The following DMXL2 variants were observed in gnomAD, a reference collection of about 807,000 sequenced individuals.
DMXL2 encodes dmX-like protein 2.
Under a neutral mutation model 331.1 loss-of-function variants are expected in DMXL2, and 103 were observed. The ratio of observed to expected loss-of-function variants is 0.31; its 90% confidence interval spans 0.27 to 0.37. The LOEUF is 0.37. Ranked by LOEUF, DMXL2 falls within the 10% of genes least tolerant of loss-of-function variation. The probability of loss-of-function intolerance (pLI) is 1.00; values close to 1 mark genes in which losing one functional copy is unlikely to be tolerated. For missense variants in DMXL2, 3,171 were observed against 3,642.9 expected, an observed-to-expected ratio of 0.87 and a Z score of 3.33; for synonymous variants, 1,281 against 1,252.1, an observed-to-expected ratio of 1.02 and a Z score of -0.49.
At chr15:51,562,560 G>A (rs1296898762) in intron 6 of DMXL2, among the ~76,000 whole-genome samples, 1 of 152,056 alleles carries the variant, frequency 6.6e-6, no homozygotes, top group African/African-American at 2.4e-5. Flanking sequence ...CTGAATGAGA[G>A]CAAAGAGAAC....
At chr15:51,522,393 C>A (rs2047426597) in intron 13 of DMXL2, among the ~76,000 whole-genome samples, 1 of 152,186 alleles carries the variant, frequency 6.6e-6, no homozygotes, top group Admixed American at 6.5e-5. Flanking sequence ...CGCCTGTAAT[C>A]CCAGCACTTG....
At chr15:51,480,271 G>T in intron 24 of DMXL2, 132 bp from the exon 25 acceptor site, 2 of 953,532 alleles carry the variant, frequency 2.1e-6, no homozygotes, top group Non-Finnish European at 3.0e-6. Context: ...AATTTATTGA[G>T]CACCCAGTAT....
At chr15:51,551,878 C>T (rs1314476192) in intron 6 of DMXL2, among the ~76,000 whole-genome samples, 1 of 152,050 alleles carries the variant, frequency 6.6e-6, no homozygotes, top group Non-Finnish European at 1.5e-5. Context: ...TTGTGATAAG[C>T]ACTATAAGAA....
At chr15:51,460,285 C>T (rs1165736712) in intron 33 of DMXL2, 12 of 985,406 alleles carry the variant, frequency 1.2e-5, no homozygotes, top group Non-Finnish European at 1.4e-5. Context: ...AACTCTTCCT[C>T]ATACCTTTTC....
At chr15:51,476,558 A>ATTT in intron 27 of DMXL2, 31 bp downstream of exon 27, 2 of 1,201,634 alleles carry the variant, frequency 1.7e-6, no homozygotes, top group South Asian at 1.5e-5. Flanking sequence ...CAACTAGAAG[A>ATTT]TTTTTTTTTT....
At chr15:51,578,786 T>A (rs2051215076) in intron 1 of DMXL2, among the ~76,000 whole-genome samples, 1 of 152,166 alleles carries the variant, frequency 6.6e-6, no homozygotes. Context: ...AATTACTGAA[T>A]TACACTGGAA....
At chr15:51,505,498 C>T (rs2046349559) in intron 16 of DMXL2, among the ~76,000 whole-genome samples, 1 of 152,224 alleles carries the variant, frequency 6.6e-6, no homozygotes, top group African/African-American at 2.4e-5. Context: ...GAAATTACTA[C>T]ATTCTCTGCT....
intron 23 of DMXL2, among the ~76,000 whole-genome samples, chr15:51,484,398 A>C (rs146546675): frequency 7.4e-4 from 112 of 152,312 alleles, no homozygotes; most frequent in African/African-American, 2.6e-3. Context: ...GCAAAGCTAC[A>C]TGGCCATCAC....
At chr15:51,462,321 T>C (rs1191133698) in intron 33 of DMXL2, among the ~76,000 whole-genome samples, 1 of 152,216 alleles carries the variant, frequency 6.6e-6, no homozygotes, top group Admixed American at 6.5e-5. Context: ...TCTCTTCTCA[T>C]TGATTGTGTT....
chr15:51,543,454 G>A (rs1387817273), intron 8 of DMXL2, among the ~76,000 whole-genome samples: 3 of 152,074 alleles, frequency 2.0e-5, no homozygotes, highest in East Asian at 1.9e-4. Flanking sequence ...CTCCCACTAC[G>A]GGGTTGCTCA....
chr15:51,594,503 C>T (rs561332468), intron 1 of DMXL2, among the ~76,000 whole-genome samples: 1 of 152,186 alleles, frequency 6.6e-6, no homozygotes, highest in Admixed American at 6.5e-5. Flanking sequence ...GAGCTGGTAC[C>T]ATTCCTCCTG....
intron 1 of DMXL2, among the ~76,000 whole-genome samples, chr15:51,610,684 C>CA (rs2053901370): frequency 6.6e-6 from 1 of 151,580 alleles, no homozygotes; most frequent in Non-Finnish European, 1.5e-5. Flanking sequence ...AGGAGAATGG[C>CA]ATGAACCCAG....
chr15:51,597,667 T>G (rs893049194), intron 1 of DMXL2, among the ~76,000 whole-genome samples: 5 of 152,220 alleles, frequency 3.3e-5, no homozygotes, highest in African/African-American at 1.2e-4. Context: ...AAAGAGGAAC[T>G]GATGGATCAC....
At position 51,575,302 on chromosome 15, in the gene DMXL2, T is replaced by C. The variant is rs77022437; in HGVS notation, c.213+754A>G. The stretch of plus-strand genomic sequence containing the variant: ...TTAACATACTCTTGATCAAATTTGT[T>C]ACCCAATAAATAACAATTTCTAGAA... On this transcript the variant is annotated intron_variant, in intron 2 of 43. Transcript: ENST00000560891. Among the ~76,000 whole-genome samples, 950 of 152,260 alleles carry C rather than the reference T, an allele frequency of 6.2e-3. 8 individuals are homozygous for C. The highest frequency in any genetic ancestry group is 0.022 in the African/African-American group (912 of 41,568).
chr15:51,514,750 C>T (rs2046938733), intron 14 of DMXL2, among the ~76,000 whole-genome samples, 191 bp from the exon 15 acceptor site: 1 of 149,730 alleles, frequency 6.7e-6, no homozygotes, highest in East Asian at 2.0e-4. Context: ...AGAAAAATTA[C>T]TTTCAAAAAT....
intron 3 of DMXL2, among the ~76,000 whole-genome samples, chr15:51,566,867 C>T (rs2050321296): frequency 6.6e-6 from 1 of 151,942 alleles, no homozygotes; most frequent in Non-Finnish European, 1.5e-5. Context: ...TAATTCTAAC[C>T]ACATTAGATG....
rs752262147 is a variant in DMXL2, at chr15:51,622,445, C to G, written c.87+14G>C. 4.5e-6 allele frequency: 7 copies of G among 1,555,126 alleles called. No individual in the cohort carries two copies. The highest frequency in any genetic ancestry group is 6.1e-6 in the Non-Finnish European group (7 of 1,149,120). ...CCCTGGTATCTTCCCCTAGGGCTCC[C>G]GGCCGCCGCTCACCGTGAAGGGGAC... On this transcript the variant is annotated intron_variant, in intron 1 of 43. Transcript: ENST00000560891.
chr15:51,464,449 C>T (rs561213735), intron 32 of DMXL2, among the ~76,000 whole-genome samples: 6 of 152,188 alleles, frequency 3.9e-5, no homozygotes, highest in Non-Finnish European at 7.4e-5. Flanking sequence ...GAAATTAATA[C>T]AATAAAGACT....
At chr15:51,459,484 T>C in intron 34 of DMXL2, 114 bp downstream of exon 34, 3 of 807,290 alleles carry the variant, frequency 3.7e-6, no homozygotes, top group Non-Finnish European at 5.4e-6. Flanking sequence ...ATGGGAGTAC[T>C]ATGAGTTCTC....
Sources: gnomAD v4.1 joint callset for allele counts (sites outside exome capture counted in the v4.1 genomes callset) on GRCh38, gnomAD v4.1.1 for gene constraint, MANE v1.5 for transcripts, NCBI Gene and HGNC (gene_info 2026-07-23, HGNC 2026-07-21) for gene names.